Variants in SPATA9 observed in about 807,000 individuals in gnomAD.
SPATA9 encodes the protein spermatogenesis-associated protein 9.
Under a neutral mutation model 25.5 loss-of-function variants are expected in SPATA9, and 27 were observed. The ratio of observed to expected loss-of-function variants is 1.06; its 90% confidence interval spans 0.78 to 1.46. The LOEUF is 1.46. SPATA9 is among the 40% of genes most tolerant of loss of function. The pLI is 0.00. For synonymous variants in SPATA9, 102 were observed against 105.7 expected, an observed-to-expected ratio of 0.97 and a Z score of 0.21; for missense variants, 282 against 297.5, an observed-to-expected ratio of 0.95 and a Z score of 0.38.
At chr5:95,669,775 GCAA>G (rs1365600941) in intron 3 of SPATA9, among the ~76,000 whole-genome samples, 1 of 152,120 alleles carries the variant, frequency 6.6e-6, no homozygotes, top group Non-Finnish European at 1.5e-5. Context: ...ACTCAGGCAG[GCAA>G]CTCACAAGGC....
chr5:95,700,123 G>C (rs1180255488), upstream of SPATA9, among the ~76,000 whole-genome samples: 1 of 152,140 alleles, frequency 6.6e-6, no homozygotes, highest in Non-Finnish European at 1.5e-5. Context: ...AGCTAAAGCA[G>C]TGTCTCATGT....
chr5:95,685,691 G>C (rs1753724699), upstream of SPATA9, among the ~76,000 whole-genome samples: 1 of 152,064 alleles, frequency 6.6e-6, no homozygotes, highest in African/African-American at 2.4e-5. Flanking sequence ...ACTGTGCTAG[G>C]GGCTAAGTTA....
chr5:95,726,513 A>C, the SPATA9 span, among the ~76,000 whole-genome samples: 1 of 152,240 alleles, frequency 6.6e-6, no homozygotes, highest in Admixed American at 6.5e-5. Flanking sequence ...TATAATATGC[A>C]CTTAGGGTGA....
chr5:95,685,051 A>C (rs906433982), upstream of SPATA9, among the ~76,000 whole-genome samples: 1 of 152,250 alleles, frequency 6.6e-6, no homozygotes, highest in Non-Finnish European at 1.5e-5. Flanking sequence ...TCTGGGGGTC[A>C]GTCAGACCTG....
At chr5:95,731,773 C>A in the SPATA9 span, 2 of 1,602,964 alleles carry the variant, frequency 1.2e-6, no homozygotes, top group Admixed American at 3.4e-5. Context: ...CCTCGCCGCG[C>A]GCTGTCCCCC....
the SPATA9 span, chr5:95,719,605 T>TA: frequency 6.6e-6 from 1 of 152,210 alleles, no homozygotes; most frequent in Non-Finnish European, 1.5e-5. Flanking sequence ...AATCTAATAG[T>TA]AAAAAACATA....
At chr5:95,698,391 C>T (rs1446818003) in intron 1 of SPATA9, among the ~76,000 whole-genome samples, 1 of 152,208 alleles carries the variant, frequency 6.6e-6, no homozygotes, top group Admixed American at 6.5e-5. Flanking sequence ...GAAATTCTCA[C>T]AGCAGGCTCC....
At chr5:95,685,890 G>A (rs990280806), upstream of SPATA9, among the ~76,000 whole-genome samples, 4 of 152,160 alleles carry the variant, frequency 2.6e-5, no homozygotes, top group Non-Finnish European at 5.9e-5. Context: ...AAGCTGAAAT[G>A]CAGTGGCGCG....
chr5:95,724,890 A>G, the SPATA9 span, among the ~76,000 whole-genome samples: 10 of 152,196 alleles, frequency 6.6e-5, no homozygotes, highest in Non-Finnish European at 1.3e-4. Context: ...ATACTTAAGT[A>G]TATAAAGAAT....
intron 1 of SPATA9, among the ~76,000 whole-genome samples, chr5:95,692,059 A>G (rs760932686): frequency 2.0e-5 from 3 of 152,106 alleles, no homozygotes; most frequent in Non-Finnish European, 4.4e-5. Flanking sequence ...TTACATTTGT[A>G]TTTGATATCT....
At chr5:95,729,103 CTA>C in the SPATA9 span, among the ~76,000 whole-genome samples, 1 of 152,314 alleles carries the variant, frequency 6.6e-6, no homozygotes, top group East Asian at 1.9e-4. Context: ...CAAGAAATAA[CTA>C]TAAGTATACT....
At chr5:95,652,966 TTCC>T (rs1750447705), downstream of SPATA9, 1 of 1,060,960 alleles carries the variant, frequency 9.4e-7, no homozygotes. Context: ...TTCAGTGGCT[TTCC>T]TTTGCTCTTA....
At chr5:95,708,737 G>T in the SPATA9 span, 1 of 674,368 alleles carries the variant, frequency 1.5e-6, no homozygotes, top group South Asian at 1.5e-5. Flanking sequence ...TGTTCTTCAT[G>T]GGTGCGAGCT....
chr5:95,666,920 A>C (rs1464142963), intron 3 of SPATA9, among the ~76,000 whole-genome samples: 1 of 152,216 alleles, frequency 6.6e-6, no homozygotes, highest in East Asian at 1.9e-4. Flanking sequence ...ACAGAAATGC[A>C]CCAAAAGTTT....
the SPATA9 span, among the ~76,000 whole-genome samples, chr5:95,728,532 T>G: frequency 6.6e-6 from 1 of 152,206 alleles, no homozygotes; most frequent in African/African-American, 2.4e-5. Flanking sequence ...ATCTTTTACT[T>G]TGTACCTATC....
At chr5:95,677,545 T>C (rs572429753) in intron 2 of SPATA9, among the ~76,000 whole-genome samples, 5 of 152,302 alleles carry the variant, frequency 3.3e-5, no homozygotes, top group African/African-American at 7.2e-5. Context: ...TCTCATTACT[T>C]TCAGAAACCT....
intron 1 of SPATA9, among the ~76,000 whole-genome samples, chr5:95,697,653 A>G (rs1469793884): frequency 2.0e-5 from 3 of 152,108 alleles, no homozygotes; most frequent in Non-Finnish European, 4.4e-5. Flanking sequence ...AACCACCACA[A>G]ATTGTCAAGC....
chr5:95,718,769 C>A, the SPATA9 span, among the ~76,000 whole-genome samples: 1 of 152,124 alleles, frequency 6.6e-6, no homozygotes, highest in Non-Finnish European at 1.5e-5. Flanking sequence ...TGAGAACAGA[C>A]AAGAGATGCA....
At chr5:95,668,120 G>A (rs1028504898) in intron 3 of SPATA9, among the ~76,000 whole-genome samples, 90 of 152,174 alleles carry the variant, frequency 5.9e-4, no homozygotes, top group African/African-American at 2.1e-3. Context: ...TTTCTTTATA[G>A]AAGTGCAAGA....
Sources: gnomAD v4.1 joint callset for allele counts (sites outside exome capture counted in the v4.1 genomes callset) on GRCh38, gnomAD v4.1.1 for gene constraint, MANE v1.5 for transcripts, NCBI Gene and HGNC (gene_info 2026-07-23, HGNC 2026-07-21) for gene names.